TEAD1: variants seen among roughly 807,000 people sequenced by gnomAD.
TEAD1 encodes the protein transcriptional enhancer factor TEF-1.
Under a neutral mutation model 54.9 loss-of-function variants are expected in TEAD1, and 9 were observed. The observed-to-expected ratio is 0.16, with a 90% CI of 0.10 to 0.29. The LOEUF (loss-of-function observed/expected upper bound fraction) is 0.29. Ranked by LOEUF, TEAD1 falls within the 10% of genes least tolerant of loss-of-function variation. The pLI is 1.00. For missense variants in TEAD1, 387 were observed against 535.9 expected, an observed-to-expected ratio of 0.72 and a Z score of 2.74; for synonymous variants, 200 against 187.8, an observed-to-expected ratio of 1.07 and a Z score of -0.53.
chr11:12,847,713 G>A (rs1041105862), intron 3 of TEAD1, among the ~76,000 whole-genome samples: 2 of 152,152 alleles, frequency 1.3e-5, no homozygotes, highest in African/African-American at 4.8e-5. Context: ...TTTAGAGACG[G>A]GTCTTGCTCT....
At chr11:12,707,114 C>CTTTT (rs11366620) in intron 2 of TEAD1, among the ~76,000 whole-genome samples, 1 of 76,276 alleles carries the variant, frequency 1.3e-5, no homozygotes, top group African/African-American at 5.2e-5. Flanking sequence ...ACTTGTGGGA[C>CTTTT]TTTTTTTTTT....
At position 12,942,833 on chromosome 11, in the gene TEAD1, C is replaced by T. The variant is rs1037370389; in HGVS notation, c.*5611C>T. On this transcript the variant is annotated 3_prime_UTR_variant, in exon 13 of 13. Transcript: ENST00000527636. ...AGAAACTTCCAAAGAGCACCATTCA[C>T]AATTTGGCATTTTCAAAGAATGTTC... 2 of 152,168 alleles carry T rather than the reference C, an allele frequency of 1.3e-5. No individual in the cohort carries two copies. Among genetic ancestry groups the T allele is most frequent in the African/African-American group, 2.4e-5 (1 of 41,440 alleles). 9.4% of individuals were successfully genotyped at this position (152,168 alleles called of 1,614,324 possible). A position where few individuals can be genotyped will look rare whatever the true frequency, so the allele number is the denominator to read the frequency against.
intron 2 of TEAD1, among the ~76,000 whole-genome samples, chr11:12,701,034 G>A (rs1224157637): frequency 1.3e-5 from 2 of 152,160 alleles, no homozygotes; most frequent in East Asian, 3.8e-4. Flanking sequence ...CAAAGCCATA[G>A]CAGACCCCCT....
intron 3 of TEAD1, among the ~76,000 whole-genome samples, chr11:12,779,556 A>G (rs1156849866): frequency 6.6e-6 from 1 of 152,200 alleles, no homozygotes; most frequent in Non-Finnish European, 1.5e-5. Context: ...AAATTAGATA[A>G]TACATTAAAA....
At chr11:12,796,251 G>A (rs12787239) in intron 3 of TEAD1, among the ~76,000 whole-genome samples, 14,427 of 152,204 alleles carry the variant, frequency 0.095, 932 homozygotes, top group Non-Finnish European at 0.14. Context: ...GAACATGAAA[G>A]GTGGTGTGGA....
intron 2 of TEAD1, among the ~76,000 whole-genome samples, chr11:12,725,471 T>G (rs2133871329): frequency 6.6e-6 from 1 of 152,300 alleles, no homozygotes; most frequent in East Asian, 1.9e-4. Flanking sequence ...AGAAAGGACT[T>G]GAATTGTTCC....
intron 3 of TEAD1, among the ~76,000 whole-genome samples, chr11:12,860,382 C>T (rs1340039854): frequency 1.3e-5 from 2 of 152,202 alleles, no homozygotes; most frequent in Non-Finnish European, 2.9e-5. Flanking sequence ...TTTCTAGCCC[C>T]CAGATTTCAT....
At chr11:12,883,807 A>T (rs2134100558) in intron 9 of TEAD1, among the ~76,000 whole-genome samples, 2 of 152,130 alleles carry the variant, frequency 1.3e-5, no homozygotes, top group East Asian at 3.9e-4. Flanking sequence ...AGGTCAGGAG[A>T]TCAAGACCAT....
At chr11:12,763,691 T>C (rs1945147002) in intron 2 of TEAD1, among the ~76,000 whole-genome samples, 2 of 152,228 alleles carry the variant, frequency 1.3e-5, no homozygotes, top group Admixed American at 1.3e-4. Context: ...GTGGACATTT[T>C]AAAAAACTTT....
At chr11:12,862,562 A>G (rs1947527399) in intron 4 of TEAD1, among the ~76,000 whole-genome samples, 1 of 152,222 alleles carries the variant, frequency 6.6e-6, no homozygotes, top group Admixed American at 6.5e-5. Flanking sequence ...AGGACGGTGT[A>G]TGAACCGCTC....
At chr11:12,751,171 A>G (rs1944861482) in intron 2 of TEAD1, among the ~76,000 whole-genome samples, 2 of 151,554 alleles carry the variant, frequency 1.3e-5, no homozygotes, top group Admixed American at 1.3e-4. Context: ...GCATGGTAGC[A>G]TGTGCCTGTA....
intron 5 of TEAD1, among the ~76,000 whole-genome samples, chr11:12,871,093 A>G (rs765842274): frequency 2.6e-5 from 4 of 152,186 alleles, no homozygotes; most frequent in African/African-American, 7.2e-5. Context: ...GCCTGAGTCT[A>G]CTTCTAAAGT....
chr11:12,844,830 C>T (rs1270608852), intron 3 of TEAD1, among the ~76,000 whole-genome samples: 1 of 152,018 alleles, frequency 6.6e-6, no homozygotes, highest in African/African-American at 2.4e-5. Context: ...AAGAGGAAAC[C>T]ATTCTGAATG....
chr11:12,803,454 G>C (rs1177037708), intron 3 of TEAD1, among the ~76,000 whole-genome samples: 1 of 152,252 alleles, frequency 6.6e-6, no homozygotes, highest in Non-Finnish European at 1.5e-5. Flanking sequence ...CAGGTGGCTT[G>C]TTGGTAAAAT....
At chr11:12,882,613 T>G (rs373132443) in intron 8 of TEAD1, among the ~76,000 whole-genome samples, 4 of 152,212 alleles carry the variant, frequency 2.6e-5, no homozygotes, top group Non-Finnish European at 5.9e-5. Context: ...ACCACAGTCT[T>G]AAGGAAGATG....
chr11:12,749,799 G>A (rs944434594), intron 2 of TEAD1, among the ~76,000 whole-genome samples: 1 of 151,830 alleles, frequency 6.6e-6, no homozygotes, highest in Non-Finnish European at 1.5e-5. Flanking sequence ...TAATTGAGGG[G>A]GGAACAGTAG....
At chr11:12,775,970 GGC>G (rs1291866795) in intron 3 of TEAD1, among the ~76,000 whole-genome samples, 3 of 140,644 alleles carry the variant, frequency 2.1e-5, no homozygotes, top group African/African-American at 9.8e-5. Flanking sequence ...GTTTACTGGC[GGC>G]GGGGGGTTCA....
intron 3 of TEAD1, among the ~76,000 whole-genome samples, chr11:12,856,214 A>G (rs1207918572): frequency 6.6e-6 from 1 of 151,770 alleles, no homozygotes; most frequent in Non-Finnish European, 1.5e-5. Context: ...TCTGACCTGA[A>G]GAATGACTCG....
intron 9 of TEAD1, among the ~76,000 whole-genome samples, chr11:12,900,041 A>G (rs1163791390): frequency 1.3e-5 from 2 of 152,200 alleles, no homozygotes; most frequent in Admixed American, 1.3e-4. Context: ...TCTAGATTAT[A>G]TGTTTAAAAA....
Sources: allele counts gnomAD v4.1 joint callset (sites outside exome capture counted in the v4.1 genomes callset), GRCh38; gene constraint gnomAD v4.1.1; transcripts MANE v1.5; gene names NCBI Gene and HGNC (gene_info 2026-07-23, HGNC 2026-07-21).